Variants in TNR observed in about 807,000 individuals in gnomAD.
TNR encodes tenascin R.
TNR carries 45 observed loss-of-function variants against 150.4 expected under a neutral mutation model. The ratio of observed to expected loss-of-function variants is 0.30; its 90% CI spans 0.24 to 0.38. The LOEUF is 0.38. TNR is among the 10% of genes least tolerant of loss of function. The probability of loss-of-function intolerance (pLI) is 1.00; values close to 1 mark genes in which losing one functional copy is unlikely to be tolerated. For synonymous variants in TNR, 687 were observed against 678.4 expected, an observed-to-expected ratio of 1.01 and a Z score of -0.20; for missense variants, 1,544 against 1,759.1, an observed-to-expected ratio of 0.88 and a Z score of 2.19.
At position 175,649,608 on chromosome 1, in the gene TNR, G is replaced by A. The variant is rs200904052; in HGVS notation, c.-165+93618C>T. ...TACAAGAGTGACCACCAGGAGGTGA[G>A]CTTTCCACTGCTACCTTCACCCAGG... On this transcript the variant is annotated intron_variant, in intron 1 of 22. Coordinates refer to ENST00000367674, the MANE Select transcript of TNR (RefSeq NM_003285.3). Among the ~76,000 whole-genome samples, 26 of 152,220 alleles carry A rather than the reference G, an allele frequency of 1.7e-4. 1 individual carries two copies. In the East Asian group the frequency reaches 4.5e-3, roughly 26 times the overall value.
At chr1:175,344,352 A>C (rs1253100012) in intron 18 of TNR, among the ~76,000 whole-genome samples, 1 of 152,080 alleles carries the variant, frequency 6.6e-6, no homozygotes, top group African/African-American at 2.4e-5. Context: ...CTTTTGGTTT[A>C]ACTTTAGGAA....
At chr1:175,598,648 GA>G (rs1663105992) in intron 1 of TNR, among the ~76,000 whole-genome samples, 1 of 152,228 alleles carries the variant, frequency 6.6e-6, no homozygotes, top group Non-Finnish European at 1.5e-5. Flanking sequence ...TAGAACTGGA[GA>G]ACCAAATGAA....
At chr1:175,734,524 A>T (rs1359589534) in intron 1 of TNR, among the ~76,000 whole-genome samples, 1 of 152,234 alleles carries the variant, frequency 6.6e-6, no homozygotes, top group Non-Finnish European at 1.5e-5. Flanking sequence ...ATGCAAGGTC[A>T]GCGGAGACAC....
intron 1 of TNR, among the ~76,000 whole-genome samples, chr1:175,580,764 C>T (rs775908038): frequency 3.3e-5 from 5 of 152,172 alleles, no homozygotes; most frequent in South Asian, 2.1e-4. Context: ...GTGTGGGATA[C>T]GGTCAATTAA....
chr1:175,467,714 G>T (rs901640727), intron 2 of TNR, among the ~76,000 whole-genome samples: 1 of 152,170 alleles, frequency 6.6e-6, no homozygotes, highest in Non-Finnish European at 1.5e-5. Flanking sequence ...AGGGCATGAG[G>T]TCAGGGAAGA....
intron 8 of TNR, 57 bp downstream of exon 8, chr1:175,385,975 C>T: frequency 6.0e-6 from 9 of 1,511,392 alleles, no homozygotes; most frequent in Admixed American, 4.4e-5. Flanking sequence ...ATGACACCAC[C>T]GGTTGGCTCC....
intron 4 of TNR, among the ~76,000 whole-genome samples, chr1:175,400,450 GA>G (rs1429531669): frequency 6.6e-6 from 1 of 152,132 alleles, no homozygotes; most frequent in Non-Finnish European, 1.5e-5. Context: ...TCATATTCAT[GA>G]ATGTTTTGTT....
chr1:175,453,441 C>G (rs769494202), intron 2 of TNR, among the ~76,000 whole-genome samples: 32 of 151,918 alleles, frequency 2.1e-4, no homozygotes, highest in Admixed American at 1.7e-3. Context: ...AAGATGAGCC[C>G]GGAGAGGGGA....
chr1:175,367,364 G>A, intron 9 of TNR, 67 bp from the exon 10 acceptor site: 1 of 1,338,396 alleles, frequency 7.5e-7, no homozygotes, highest in Non-Finnish European at 1.1e-6. Context: ...CTGAAAGTGG[G>A]AAGAAAATGA....
chr1:175,689,639 A>G (rs77623317), intron 1 of TNR, among the ~76,000 whole-genome samples: 26 of 152,190 alleles, frequency 1.7e-4, no homozygotes, highest in Admixed American at 1.6e-3. Context: ...ACAGACATCA[A>G]TAACCTTGCC....
At chr1:175,398,943 T>G (rs1011731506) in intron 4 of TNR, among the ~76,000 whole-genome samples, 2 of 152,232 alleles carry the variant, frequency 1.3e-5, no homozygotes, top group African/African-American at 4.8e-5. Context: ...GGTTAAGGGA[T>G]GTGCCAAAAG....
intron 1 of TNR, among the ~76,000 whole-genome samples, chr1:175,669,274 A>T (rs1049061058): frequency 6.6e-6 from 1 of 152,204 alleles, no homozygotes; most frequent in Non-Finnish European, 1.5e-5. Flanking sequence ...TGCAATCTAG[A>T]GTAGAAAACA....
intron 1 of TNR, among the ~76,000 whole-genome samples, chr1:175,574,481 A>C (rs908334211): frequency 7.2e-5 from 11 of 152,218 alleles, no homozygotes; most frequent in African/African-American, 2.7e-4. Flanking sequence ...CCCACTACCA[A>C]GAGTTGCATC....
chr1:175,410,436 G>A (rs183497924), intron 2 of TNR, among the ~76,000 whole-genome samples: 220 of 152,358 alleles, frequency 1.4e-3, no homozygotes, highest in Non-Finnish European at 2.2e-3. Flanking sequence ...ACAATGCAAT[G>A]TGATAATTAC....
At chr1:175,587,176 G>A (rs1662607912) in intron 1 of TNR, among the ~76,000 whole-genome samples, 1 of 152,166 alleles carries the variant, frequency 6.6e-6, no homozygotes, top group Non-Finnish European at 1.5e-5. Flanking sequence ...GTGCAGCTTG[G>A]CAGATTACCC....
chr1:175,472,431 C>A (rs56906286), intron 2 of TNR, among the ~76,000 whole-genome samples: 1 of 152,064 alleles, frequency 6.6e-6, no homozygotes, highest in Admixed American at 6.5e-5. Flanking sequence ...AGTAACATAG[C>A]TATTTATTTC....
chr1:175,512,403 AG>A (rs1408348921), intron 2 of TNR, among the ~76,000 whole-genome samples: 4 of 152,222 alleles, frequency 2.6e-5, no homozygotes, highest in Admixed American at 2.6e-4. Flanking sequence ...ATTGGGGAAA[AG>A]CAATTTTAAA....
Position 175,542,729 on chromosome 1 carries a change from GTCTT to G in TNR, c.-164-14364_-164-14361del, listed in dbSNP as rs144629719. On this transcript the variant is annotated intron_variant, in intron 1 of 22. Coordinates refer to ENST00000367674, the MANE Select transcript of TNR (RefSeq NM_003285.3). ...CACTTCTACATGGCATTGGTCCAAAGTCTTTACTTATCAAATAATCATATATATT... is the reference window on the plus strand; with the variant it reads ...CACTTCTACATGGCATTGGTCCAAAGTACTTATCAAATAATCATATATATT... Among the ~76,000 whole-genome samples, 1,488 of 152,286 alleles carry G rather than the reference GTCTT, an allele frequency of 9.8e-3. 18 individuals carry two copies. Among genetic ancestry groups the G allele is most frequent in the African/African-American group, 0.033 (1,362 of 41,544 alleles).
In TNR at chr1:175,359,733, T is replaced by C; in HGVS notation, c.2855-2A>G. ...TCAGATCCACAGGGTTGTCCATGGC[T>C]GAAACAGAATAGATTATCAGTTACA... On this transcript the variant is annotated splice_acceptor_variant, in intron 14 of 22. Coordinates refer to ENST00000367674, the MANE Select transcript of TNR (RefSeq NM_003285.3). LOFTEE classifies it high-confidence loss of function. 1 of 1,606,910 alleles carries C rather than the reference T, an allele frequency of 6.2e-7. No individual in the cohort carries two copies. The highest frequency in any genetic ancestry group is 8.5e-7 in the Non-Finnish European group (1 of 1,176,534).
Sources: gnomAD v4.1 joint callset for allele counts (sites outside exome capture counted in the v4.1 genomes callset) on GRCh38, gnomAD v4.1.1 for gene constraint, MANE v1.5 for transcripts, NCBI Gene and HGNC (gene_info 2026-07-23, HGNC 2026-07-21) for gene names.